Variants in NIPAL1 observed in about 807,000 individuals in gnomAD.
NIPAL1 encodes the protein magnesium transporter NIPA3.
NIPAL1 carries 35 observed loss-of-function variants against 37.7 expected under a neutral mutation model. The observed-to-expected ratio is 0.93, with a 90% CI of 0.71 to 1.23. NIPAL1 has a LOEUF of 1.23. Ranked by LOEUF, NIPAL1 falls within the 50% of genes most tolerant of loss-of-function variation. NIPAL1 has a pLI of 0.00. For missense variants in NIPAL1, 412 were observed against 473.9 expected (o/e 0.87, Z 1.21); for synonymous variants, 162 against 183.0 (o/e 0.89, Z 0.93).
chr4:48,035,036 A>G lies in NIPAL1; in HGVS notation c.617A>G (p.Asp206Gly). ...CATGAAATGGAAATGAAATTGAGAG[A>G]CCCAGGTCTGTGATTCAACCTAAAG... ...SLHEMEMKLR[D>G]PGFISFAVII... The change falls in exon 5 of 6, where the codon GAC becomes GGC. Residue 206 changes from aspartate (D) to glycine (G), a missense_variant. Physicochemically the swap from Asp to Gly is moderately conservative, Grantham distance 94. Coordinates refer to ENST00000295461, the MANE Select transcript of NIPAL1 (RefSeq NM_207330.3). 1 of 1,613,502 alleles carries G rather than the reference A, an allele frequency of 6.2e-7. No individual in the cohort carries two copies. The highest frequency in any genetic ancestry group is 1.1e-5 in the South Asian group (1 of 91,020).
In NIPAL1 at chr4:48,030,186, T is replaced by A; in HGVS notation, c.370+10T>A. On this transcript the variant is annotated intron_variant, in intron 3 of 5. Transcript: ENST00000295461. ...GTAGGATTGCTGTCAAGTAAGTTTT[T>A]AATACTGAGAATACTGTTTATTTGT... The A allele has an allele frequency of 6.6e-7, 1 of 1,509,226 alleles. No homozygotes were observed. 93.5% of individuals were successfully genotyped at this position (1,509,226 alleles called of 1,614,324 possible). A position where few individuals can be genotyped will look rare whatever the true frequency, so the allele number is the denominator to read the frequency against.
At chr4:48,031,512 A>G (rs1433782170) in intron 3 of NIPAL1, among the ~76,000 whole-genome samples, 3 of 152,140 alleles carry the variant, frequency 2.0e-5, no homozygotes, top group Non-Finnish European at 1.5e-5. Context: ...ATACTTTATA[A>G]TGAAAATATG....
At chr4:48,030,027 C>A in intron 2 of NIPAL1, 93 bp from the exon 3 acceptor site, 1 of 705,796 alleles carries the variant, frequency 1.4e-6, no homozygotes. Context: ...ACTTTTCTAA[C>A]CATAATCCAG....
chr4:48,034,865 T>G lies in NIPAL1; in HGVS notation c.462-16T>G. 1 of 1,603,864 alleles carries G rather than the reference T, an allele frequency of 6.2e-7. No individual in the cohort carries two copies. The highest frequency in any genetic ancestry group is 8.5e-7 in the Non-Finnish European group (1 of 1,173,272). On this transcript the variant is annotated splice_polypyrimidine_tract_variant and intron_variant, in intron 4 of 5. Coordinates refer to ENST00000295461, the MANE Select transcript of NIPAL1 (RefSeq NM_207330.3). ...AATTGAGCTATAGTGATTTTTAATT[T>G]TTTCTCTCCCAACAGTGCAATATTA...
chr4:48,021,043 T>C (rs1418049441), intron 1 of NIPAL1, among the ~76,000 whole-genome samples: 1 of 152,218 alleles, frequency 6.6e-6, no homozygotes, highest in Non-Finnish European at 1.5e-5. Context: ...AAATTTCAAC[T>C]GGCTTTTTCT....
intron 1 of NIPAL1, among the ~76,000 whole-genome samples, chr4:48,017,861 CACAT>C: frequency 2.1e-5 from 1 of 47,064 alleles, no homozygotes; most frequent in Non-Finnish European, 7.0e-5. Flanking sequence ...AGTTCCCTTA[CACAT>C]ATATATATAT....
intron 1 of NIPAL1, among the ~76,000 whole-genome samples, chr4:48,023,969 TTTC>T (rs1715628863): frequency 7.6e-6 from 1 of 131,850 alleles, no homozygotes; most frequent in Non-Finnish European, 1.6e-5. Flanking sequence ...GTTAGACAGA[TTTC>T]TTCTTTTTTT....
chr4:48,031,687 T>G (rs1250498188), intron 3 of NIPAL1, among the ~76,000 whole-genome samples: 1 of 152,168 alleles, frequency 6.6e-6, no homozygotes, highest in Non-Finnish European at 1.5e-5. Context: ...TCTATAAAGA[T>G]AAAAATATAA....
chr4:48,030,200 C>G (rs1715790499), intron 3 of NIPAL1, 24 bp downstream of exon 3: 1 of 1,409,758 alleles, frequency 7.1e-7, no homozygotes, highest in South Asian at 1.2e-5. Context: ...ACTGAGAATA[C>G]TGTTTATTTG....
chr4:48,034,164 G>A (rs1157725186), intron 4 of NIPAL1, among the ~76,000 whole-genome samples: 2 of 152,212 alleles, frequency 1.3e-5, no homozygotes, highest in Non-Finnish European at 2.9e-5. Context: ...TATCAGAGCA[G>A]TAACAGGTGG....
intron 1 of NIPAL1, among the ~76,000 whole-genome samples, chr4:48,017,794 G>A (rs1338515713): frequency 6.6e-6 from 1 of 152,098 alleles, no homozygotes; most frequent in East Asian, 1.9e-4. Flanking sequence ...CAGTAAAGGG[G>A]AAGGGAGGCA....
At chr4:48,031,012 G>A (rs1715807283) in intron 3 of NIPAL1, among the ~76,000 whole-genome samples, 1 of 152,102 alleles carries the variant, frequency 6.6e-6, no homozygotes, top group Admixed American at 6.6e-5. Flanking sequence ...ATTTAAATAT[G>A]TATAGCCCCT....
rs1300733337 is a variant in NIPAL1, at chr4:48,039,244, C to CTGAGGCAGGGAATTGCT, written c.*3076_*3092dup. 2.6e-5 allele frequency: 4 copies of CTGAGGCAGGGAATTGCT among 151,834 alleles called. No homozygotes were observed. The highest frequency in any genetic ancestry group is 9.7e-5 in the African/African-American group (4 of 41,312). 9.4% of individuals were successfully genotyped at this position (151,834 alleles called of 1,614,324 possible). On this transcript the variant is annotated 3_prime_UTR_variant, in exon 6 of 6. Coordinates refer to ENST00000295461, the MANE Select transcript of NIPAL1 (RefSeq NM_207330.3). ...CCTATAATCCCAACTACCCCGGAGGCTGAGGCAGGGAATTGCTTGAAGCAA... is the reference window on the plus strand; with the variant it reads ...CCTATAATCCCAACTACCCCGGAGGCTGAGGCAGGGAATTGCTTGAGGCAGGGAATTGCTTGAAGCAA...
In NIPAL1 at chr4:48,035,690, G is replaced by C. The variant is rs1169214118; in HGVS notation, c.751G>C (p.Val251Leu). The change falls in exon 6 of 6, where the codon GTT (valine) becomes CTT (leucine). Residue 251 changes from valine (V) to leucine (L), a missense_variant. Val to Leu is a conservative substitution (Grantham distance 32). Coordinates refer to ENST00000295461, the MANE Select transcript of NIPAL1 (RefSeq NM_207330.3). ...CTGTTCCTTGATTGGAGCGTTTTCA[G>C]TTTCTTCTGTGAAAGGCCTGGGAAT... Reference protein sequence around the residue: ...SICSLIGAFSVSSVKGLGIAI... With the variant: ...SICSLIGAFSLSSVKGLGIAI... 1.9e-6 allele frequency: 3 copies of C among 1,614,000 alleles called. No individual in the cohort carries two copies. Among genetic ancestry groups the C allele is most frequent in the Non-Finnish European group, 2.5e-6 (3 of 1,179,984 alleles).
At position 48,038,220 on chromosome 4, in the gene NIPAL1, C is replaced by T. The variant is rs1234098508; in HGVS notation, c.*2048C>T. ...TTGAGTGCAATTCTAATGCATTCTA[C>T]GTTTTTGAAAATCGATAATCCATGG... On this transcript the variant is annotated 3_prime_UTR_variant, in exon 6 of 6. Coordinates refer to ENST00000295461, the MANE Select transcript of NIPAL1 (RefSeq NM_207330.3). 6.6e-6 allele frequency: 1 copy of T among 152,122 alleles called. No individual in the cohort carries two copies. Among genetic ancestry groups the T allele is most frequent in the Non-Finnish European group, 1.5e-5 (1 of 68,026 alleles). The allele number at this position is 152,122 out of a possible 1,614,324, so 9.4% of individuals were successfully genotyped here. A position where few individuals can be genotyped will look rare whatever the true frequency, so the allele number is the denominator to read the frequency against.
intron 3 of NIPAL1, 72 bp from the exon 4 acceptor site, chr4:48,032,921 C>A: frequency 1.0e-6 from 1 of 1,002,424 alleles, no homozygotes; most frequent in Non-Finnish European, 1.6e-6. Flanking sequence ...CACTGCTTTG[C>A]ATGAGTCATT....
At chr4:48,031,420 A>G (rs1215831348) in intron 3 of NIPAL1, among the ~76,000 whole-genome samples, 1 of 152,106 alleles carries the variant, frequency 6.6e-6, no homozygotes, top group Non-Finnish European at 1.5e-5. Context: ...AAAAATTGAC[A>G]AGGGCTGTCT....
Position 48,035,573 on chromosome 4 carries a change from T to G in NIPAL1, c.634T>G (p.Phe212Val). The part of the protein sequence containing the change: ...MKLRDPGFIS[F>V]AVIITVISLV... Reference sequence around the variant, plus strand: ...TCTCCTTCTAACAGGGTTTATTTCCTTTGCTGTGATCATAACTGTGATCTC... The same window carrying G: ...TCTCCTTCTAACAGGGTTTATTTCCGTTGCTGTGATCATAACTGTGATCTC... Residue 212 changes from phenylalanine to valine, a missense_variant, in exon 6 of 6, where the codon TTT becomes GTT. By Grantham distance (50) the Phe-to-Val change is conservative (BLOSUM62 -1). Transcript: ENST00000295461. 1 of 1,607,814 alleles carries G rather than the reference T, an allele frequency of 6.2e-7. No homozygotes were observed. Among genetic ancestry groups the G allele is most frequent in the Non-Finnish European group, 8.5e-7 (1 of 1,178,830 alleles).
chr4:48,032,126 A>C (rs1039364449), intron 3 of NIPAL1, among the ~76,000 whole-genome samples: 11 of 152,228 alleles, frequency 7.2e-5, no homozygotes, highest in Admixed American at 1.3e-4. Flanking sequence ...CTAATGGTGA[A>C]TACTCCTATA....
Sources: gnomAD v4.1 joint callset for allele counts (sites outside exome capture counted in the v4.1 genomes callset) on GRCh38, gnomAD v4.1.1 for gene constraint, MANE v1.5 for transcripts, NCBI Gene and HGNC (gene_info 2026-07-23, HGNC 2026-07-21) for gene names.